IQSEC1: variants seen among roughly 807,000 people sequenced by gnomAD.
IQSEC1 encodes IQ motif and Sec7 domain ArfGEF 1, also known as IQ motif and SEC7 domain-containing protein 1.
In IQSEC1, 31 loss-of-function variants were observed where a neutral mutation model predicts 91.0. The ratio of observed to expected loss-of-function variants is 0.34; its 90% CI spans 0.26 to 0.46. The LOEUF (loss-of-function observed/expected upper bound fraction) is 0.46. Among genes scored for constraint, IQSEC1 ranks in the 20% least tolerant of loss-of-function variants. The pLI is 1.00. For synonymous variants in IQSEC1, 699 were observed against 662.6 expected (o/e 1.05, Z -0.84); for missense variants, 1,388 against 1,575.6 (o/e 0.88, Z 2.02).
At chr3:13,099,322 G>A (rs1031290740) in intron 2 of IQSEC1, among the ~76,000 whole-genome samples, 1 of 152,220 alleles carries the variant, frequency 6.6e-6, no homozygotes, top group African/African-American at 2.4e-5. Flanking sequence ...GGCAAATGAG[G>A]TTTCGGGTGT....
intron 1 of IQSEC1, chr3:13,022,090 TAC>T: frequency 1.6e-6 from 2 of 1,231,328 alleles, no homozygotes; most frequent in Non-Finnish European, 2.0e-6. Flanking sequence ...GGCACTGCCA[TAC>T]CCCTTCATGC....
At chr3:13,012,964 C>CTTTTTTTTTT (rs35541458) in intron 1 of IQSEC1, among the ~76,000 whole-genome samples, 17,637 of 96,470 alleles carry the variant, frequency 0.18, 3,567 homozygotes, top group Non-Finnish European at 0.24. Flanking sequence ...AAAGTCTGGG[C>CTTTTTTTTTT]TTTTTTTTTT....
At position 13,056,669 on chromosome 3, in the gene IQSEC1, C is replaced by T. The variant is rs571799454; in HGVS notation, c.23+16323G>A. Among the ~76,000 whole-genome samples the T allele has an allele frequency of 3.1e-3, 464 of 151,650 alleles. 3 individuals are homozygous for T. Among genetic ancestry groups the T allele is most frequent in the Middle Eastern group, 0.021 (6 of 288 alleles). The stretch of plus-strand genomic sequence containing the variant: ...CCGCACCACCCATAGTCAGCTCAGG[C>T]GGCTGATCTCCAACCAGGAAGAACA... On this transcript the variant is annotated intron_variant, in intron 1 of 13. Coordinates refer to ENST00000613206, the MANE Select transcript of IQSEC1 (RefSeq NM_001134382.3).
chr3:13,118,932 G>T (rs1706377885), intron 2 of IQSEC1, among the ~76,000 whole-genome samples: 1 of 152,076 alleles, frequency 6.6e-6, no homozygotes, highest in Non-Finnish European at 1.5e-5. Flanking sequence ...AATTAGCTGG[G>T]TATAGTGGCA....
chr3:13,027,528 C>G (rs1213391334), intron 1 of IQSEC1, among the ~76,000 whole-genome samples: 1 of 152,162 alleles, frequency 6.6e-6, no homozygotes, highest in African/African-American at 2.4e-5. Context: ...GGGTGGTGGA[C>G]AGGAAGGTGA....
chr3:13,163,614 C>A (rs923279739), intron 2 of IQSEC1, among the ~76,000 whole-genome samples: 10 of 152,282 alleles, frequency 6.6e-5, no homozygotes, highest in Admixed American at 4.6e-4. Context: ...CCCCCACCTA[C>A]CCTCGGTTGG....
intron 2 of IQSEC1, among the ~76,000 whole-genome samples, chr3:13,118,446 C>T (rs1209600697): frequency 6.6e-6 from 1 of 152,186 alleles, no homozygotes; most frequent in East Asian, 1.9e-4. Flanking sequence ...AGACAAATTT[C>T]GTCCATATAT....
chr3:13,036,745 A>G (rs1328137141), intron 1 of IQSEC1, among the ~76,000 whole-genome samples: 1 of 152,148 alleles, frequency 6.6e-6, no homozygotes, highest in Admixed American at 6.5e-5. Context: ...CAGTTTGGGG[A>G]GCTTGTCCCA....
At chr3:12,934,162 G>A (rs1430596932) in intron 3 of IQSEC1, among the ~76,000 whole-genome samples, 4 of 152,250 alleles carry the variant, frequency 2.6e-5, no homozygotes, top group Non-Finnish European at 2.9e-5. Context: ...CTGTGCAGCA[G>A]TGAGAGCAGC....
intron 1 of IQSEC1, among the ~76,000 whole-genome samples, chr3:13,181,042 C>T (rs6772574): frequency 3.3e-5 from 5 of 152,104 alleles, no homozygotes; most frequent in Non-Finnish European, 2.9e-5. Context: ...GAGGCTGAGG[C>T]GGGCGGATCA....
At chr3:13,250,559 G>C (rs1264390074) in intron 1 of IQSEC1, among the ~76,000 whole-genome samples, 3 of 146,644 alleles carry the variant, frequency 2.0e-5, no homozygotes, top group African/African-American at 7.7e-5. Context: ...CTCAGCCTCC[G>C]AGTAGCTGGG....
intron 1 of IQSEC1, among the ~76,000 whole-genome samples, chr3:12,961,734 T>TA (rs1212212907): frequency 3.3e-5 from 5 of 152,354 alleles, no homozygotes. Context: ...AAACATCAGC[T>TA]AAAGGATGCC....
At chr3:12,943,511 G>A (rs368818186) in intron 1 of IQSEC1, among the ~76,000 whole-genome samples, 11 of 152,318 alleles carry the variant, frequency 7.2e-5, no homozygotes, top group African/African-American at 2.6e-4. Context: ...TGGGCTAGAA[G>A]GACCCTGAAA....
At position 12,899,813 on chromosome 3, in the gene IQSEC1, T is replaced by G. The variant is rs1694045310; in HGVS notation, c.*1170A>C. ...ACACTCTCTGAGGGCTTCGGCCTGG[T>G]GTGGGTTGGAGGCGGGATGAGGACG... On this transcript the variant is annotated 3_prime_UTR_variant, in exon 14 of 14. Coordinates refer to ENST00000613206, the MANE Select transcript of IQSEC1 (RefSeq NM_001134382.3). 3 of 985,148 alleles carry G rather than the reference T, an allele frequency of 3.0e-6. No individual in the cohort carries two copies. In the East Asian group the frequency reaches 3.4e-4, roughly 112 times the overall value. 61.0% of individuals were successfully genotyped at this position (985,148 alleles called of 1,614,324 possible).
chr3:13,273,566 G>T (rs1176698227), intron 1 of IQSEC1, among the ~76,000 whole-genome samples: 1 of 152,154 alleles, frequency 6.6e-6, no homozygotes, highest in Non-Finnish European at 1.5e-5. Flanking sequence ...GGAAAAGAGA[G>T]GGTGGGGCCG....
At chr3:13,116,844 C>T (rs183542053) in intron 2 of IQSEC1, among the ~76,000 whole-genome samples, 1 of 152,026 alleles carries the variant, frequency 6.6e-6, no homozygotes, top group African/African-American at 2.4e-5. Flanking sequence ...TCCCAATGGG[C>T]CAAAGACCTA....
At chr3:13,154,635 A>AACTAGAT (rs1328111824) in intron 2 of IQSEC1, among the ~76,000 whole-genome samples, 1 of 150,486 alleles carries the variant, frequency 6.6e-6, no homozygotes, top group East Asian at 1.9e-4. Context: ...TCAAGACATC[A>AACTAGAT]ACTAGATCTA....
chr3:13,197,754 G>C (rs765681365), intron 1 of IQSEC1, among the ~76,000 whole-genome samples: 1 of 152,186 alleles, frequency 6.6e-6, no homozygotes, highest in South Asian at 2.1e-4. Context: ...AGTGTGCCCC[G>C]TTCACAGGTG....
At chr3:13,039,621 C>T (rs913960347) in intron 1 of IQSEC1, among the ~76,000 whole-genome samples, 1 of 152,188 alleles carries the variant, frequency 6.6e-6, no homozygotes, top group Admixed American at 6.5e-5. Flanking sequence ...CCTTGAAATC[C>T]CCACACAAGG....
Sources: allele counts gnomAD v4.1 joint callset (sites outside exome capture counted in the v4.1 genomes callset), GRCh38; gene constraint gnomAD v4.1.1; transcripts MANE v1.5; gene names NCBI Gene and HGNC (gene_info 2026-07-23, HGNC 2026-07-21).